The following TRPC6 variants were observed in gnomAD, a reference collection of about 807,000 sequenced individuals.
The protein encoded by TRPC6 is short transient receptor potential channel 6.
TRPC6 carries 55 observed loss-of-function variants against 90.7 expected under a neutral mutation model. The ratio of observed to expected loss-of-function variants is 0.61; its 90% CI spans 0.49 to 0.76. The LOEUF (loss-of-function observed/expected upper bound fraction) is 0.76. Ranked by LOEUF, TRPC6 falls within the 30% of genes least tolerant of loss-of-function variation. The pLI is 0.00. For missense variants in TRPC6, 989 were observed against 1,122.7 expected (o/e 0.88, Z 1.70); for synonymous variants, 393 against 393.0 (o/e 1.00, Z 0.00).
chr11:101,513,693 C>T (rs1860449654), intron 1 of TRPC6, among the ~76,000 whole-genome samples: 2 of 152,140 alleles, frequency 1.3e-5, no homozygotes, highest in African/African-American at 4.8e-5. Context: ...CACCCACATT[C>T]AAGTTCATGC....
At chr11:101,564,866 C>A (rs1469822830) in intron 1 of TRPC6, among the ~76,000 whole-genome samples, 9 of 151,960 alleles carry the variant, frequency 5.9e-5, no homozygotes, top group Non-Finnish European at 1.3e-4. Context: ...GATTTAAAAA[C>A]AGACACATAG....
intron 1 of TRPC6, among the ~76,000 whole-genome samples, chr11:101,527,557 G>C (rs995492545): frequency 6.6e-6 from 1 of 152,086 alleles, no homozygotes; most frequent in East Asian, 1.9e-4. Context: ...TGTGTGGTTG[G>C]GGGGTGGTGT....
intron 1 of TRPC6, among the ~76,000 whole-genome samples, chr11:101,507,098 CT>C (rs1053219325): frequency 1.3e-5 from 2 of 150,070 alleles, no homozygotes; most frequent in African/African-American, 2.4e-5. Flanking sequence ...TATATCATGA[CT>C]TTTTTTTAGA....
chr11:101,530,027 T>G (rs1860872250), intron 1 of TRPC6, among the ~76,000 whole-genome samples: 1 of 152,116 alleles, frequency 6.6e-6, no homozygotes, highest in Admixed American at 6.5e-5. Flanking sequence ...ATGCCTAAAG[T>G]GACAGGTCCA....
chr11:101,478,611 C>T (rs1001476888), intron 5 of TRPC6, among the ~76,000 whole-genome samples: 1 of 152,100 alleles, frequency 6.6e-6, no homozygotes, highest in African/African-American at 2.4e-5. Context: ...GTTCGTGTCT[C>T]ATTTGTCCTG....
rs918766140 is a variant in TRPC6, at chr11:101,454,937, T to C, written c.2568+81A>G. ...TTATTTGATATTGAGAAAAATATCC[T>C]GATACTTTAAAGAATCACATAGTTC... On this transcript the variant is annotated intron_variant, in intron 11 of 12. Transcript: ENST00000344327. The C allele has an allele frequency of 2.6e-5, 28 of 1,095,446 alleles. No homozygotes were observed. The African/African-American group carries it at 4.0e-4, about 16-fold the overall frequency. 67.9% of individuals were successfully genotyped at this position (1,095,446 alleles called of 1,614,324 possible). A position where few individuals can be genotyped will look rare whatever the true frequency, so the allele number is the denominator to read the frequency against.
intron 2 of TRPC6, among the ~76,000 whole-genome samples, chr11:101,499,438 T>C (rs1169467412): frequency 6.6e-6 from 1 of 151,544 alleles, no homozygotes. Flanking sequence ...GAAATATTTA[T>C]TCCTACTACT....
chr11:101,523,608 A>G (rs991099569), intron 1 of TRPC6, among the ~76,000 whole-genome samples: 5 of 152,240 alleles, frequency 3.3e-5, no homozygotes, highest in Non-Finnish European at 7.3e-5. Context: ...ACTGGAGAGT[A>G]AAAAAGCAAG....
chr11:101,556,680 A>T (rs1435221188), intron 1 of TRPC6, among the ~76,000 whole-genome samples: 1 of 152,196 alleles, frequency 6.6e-6, no homozygotes, highest in African/African-American at 2.4e-5. Context: ...ATTAAACAGG[A>T]GGGAATACTT....
intron 1 of TRPC6, among the ~76,000 whole-genome samples, chr11:101,547,199 A>G (rs1861326068): frequency 6.6e-6 from 1 of 152,164 alleles, no homozygotes; most frequent in Non-Finnish European, 1.5e-5. Context: ...CTACATGTGT[A>G]TTGTGTCTCC....
At chr11:101,474,563 T>A in intron 6 of TRPC6, among the ~76,000 whole-genome samples, 1 of 152,172 alleles carries the variant, frequency 6.6e-6, no homozygotes, top group East Asian at 1.9e-4. Context: ...TTTTTTATAG[T>A]GCTTTGAATA....
intron 1 of TRPC6, among the ~76,000 whole-genome samples, chr11:101,567,703 G>T (rs1216623706): frequency 6.6e-6 from 1 of 152,180 alleles, no homozygotes; most frequent in African/African-American, 2.4e-5. Flanking sequence ...TGCAGCCTCC[G>T]CTGGTGATAA....
At chr11:101,510,717 C>T (rs2136756852) in intron 1 of TRPC6, among the ~76,000 whole-genome samples, 1 of 152,020 alleles carries the variant, frequency 6.6e-6, no homozygotes, top group East Asian at 1.9e-4. Context: ...TATTTGTTGC[C>T]CCAGATAGTG....
At chr11:101,477,457 G>A (rs534532905) in intron 5 of TRPC6, among the ~76,000 whole-genome samples, 56 of 152,082 alleles carry the variant, frequency 3.7e-4, no homozygotes, top group African/African-American at 1.2e-3. Flanking sequence ...ATGATGTGTG[G>A]TTTATGTTTA....
chr11:101,516,635 G>T (rs1860529584), intron 1 of TRPC6, among the ~76,000 whole-genome samples: 1 of 152,196 alleles, frequency 6.6e-6, no homozygotes, highest in Non-Finnish European at 1.5e-5. Flanking sequence ...TATTCTTAGA[G>T]GAAGGCTCCT....
At chr11:101,557,174 G>A (rs957640958) in intron 1 of TRPC6, among the ~76,000 whole-genome samples, 1 of 152,050 alleles carries the variant, frequency 6.6e-6, no homozygotes, top group Non-Finnish European at 1.5e-5. Flanking sequence ...GGTCAACGTG[G>A]TGAAACCCTG....
rs200365054 is a variant in TRPC6, at chr11:101,562,326, TATTTAGTATATA to T, written c.170+20996_170+21007del. Among the ~76,000 whole-genome samples, 940 of 152,276 alleles carry T rather than the reference TATTTAGTATATA, an allele frequency of 6.2e-3. 10 individuals are homozygous for T. The highest frequency in any genetic ancestry group is 0.022 in the African/African-American group (900 of 41,566). On this transcript the variant is annotated intron_variant, in intron 1 of 12. Transcript: ENST00000344327. ...GCAAGGATTTAAATGAGCAGTTATG[TATTTAGTATATA>T]ATTTAGTTAACTATTTAGTACCTGT...
intron 1 of TRPC6, among the ~76,000 whole-genome samples, chr11:101,528,466 T>G (rs1860834660): frequency 6.6e-6 from 1 of 152,222 alleles, no homozygotes; most frequent in South Asian, 2.1e-4. Context: ...ATATGATCTA[T>G]TATGAAATAC....
At chr11:101,551,044 G>A (rs7116748) in intron 1 of TRPC6, among the ~76,000 whole-genome samples, 108,709 of 151,500 alleles carry the variant, frequency 0.72, 39,511 homozygotes, top group East Asian at 0.99. Flanking sequence ...CTACAAATAC[G>A]TACGTACATA....
Sources: gnomAD v4.1 joint callset for allele counts (sites outside exome capture counted in the v4.1 genomes callset) on GRCh38, gnomAD v4.1.1 for gene constraint, MANE v1.5 for transcripts, NCBI Gene and HGNC (gene_info 2026-07-23, HGNC 2026-07-21) for gene names.